MTUS2: variants seen among roughly 807,000 people sequenced by gnomAD.
MTUS2 encodes the protein microtubule associated scaffold protein 2, also known as microtubule-associated tumor suppressor candidate 2.
MTUS2 carries 40 observed loss-of-function variants against 114.1 expected under a neutral mutation model. That is an observed-to-expected ratio of 0.35 (90% CI 0.27 to 0.46). The LOEUF (loss-of-function observed/expected upper bound fraction) is 0.46, where lower values mean the gene tolerates loss of function less well. Ranked by LOEUF, MTUS2 falls within the 20% of genes least tolerant of loss-of-function variation. MTUS2 has a pLI of 1.00. For missense variants in MTUS2, 1,679 were observed against 1,705.4 expected (o/e 0.98, Z 0.27); for synonymous variants, 688 against 672.0 (o/e 1.02, Z -0.37).
chr13:29,245,790 A>G (rs1896901177), intron 5 of MTUS2, among the ~76,000 whole-genome samples: 1 of 140,936 alleles, frequency 7.1e-6, no homozygotes, highest in Non-Finnish European at 1.5e-5. Context: ...TCTGCCTCCC[A>G]GGTTCACGCC....
At position 28,833,651 on chromosome 13, in the gene MTUS2, G is replaced by C. The variant is rs951986694; in HGVS notation, c.-315-6127G>C. ...TCCTCTTAAAACAAGGAACAGGCAA[G>C]GATGTCTACTGTTTTCACATTTATT... On this transcript the variant is annotated intron_variant, in intron 1 of 15. Transcript: ENST00000612955. Among the ~76,000 whole-genome samples, 3 of 152,102 alleles carry C rather than the reference G, an allele frequency of 2.0e-5. 1 individual carries two copies. In the Middle Eastern group the frequency reaches 9.5e-3, roughly 481 times the overall value.
At chr13:28,921,224 ATTTAG>A (rs924122133) in intron 2 of MTUS2, among the ~76,000 whole-genome samples, 3 of 151,902 alleles carry the variant, frequency 2.0e-5, no homozygotes, top group Non-Finnish European at 2.9e-5. Context: ...GCTGCTGGGT[ATTTAG>A]GGCCCAAGGG....
chr13:28,989,010 C>T lies in MTUS2; in HGVS notation c.-242-35447C>T, dbSNP rs1396815763. On this transcript the variant is annotated intron_variant, in intron 2 of 15. Transcript: ENST00000612955. The stretch of plus-strand genomic sequence containing the variant: ...AATTGTTTGTAAACCAGCTTGGCTG[C>T]ACTTTGAGTCAATTGGTTTTGGACT... 3.3e-5 allele frequency among the ~76,000 whole-genome samples: 5 copies of T among 152,204 alleles called. No individual in the cohort carries two copies. In the East Asian group the frequency reaches 9.6e-4, roughly 29 times the overall value.
chr13:29,457,093 C>T (rs960701842), intron 9 of MTUS2, among the ~76,000 whole-genome samples: 2 of 149,586 alleles, frequency 1.3e-5, no homozygotes, highest in African/African-American at 2.5e-5. Flanking sequence ...TGCAGTGAGC[C>T]GAGATCGCGA....
At chr13:28,911,422 C>T (rs1032066895) in intron 2 of MTUS2, among the ~76,000 whole-genome samples, 8 of 152,090 alleles carry the variant, frequency 5.3e-5, no homozygotes, top group African/African-American at 1.9e-4. Flanking sequence ...GATCCACCCG[C>T]CTCAGCCTCC....
At chr13:29,463,017 T>C (rs1304791065) in intron 9 of MTUS2, among the ~76,000 whole-genome samples, 3 of 152,126 alleles carry the variant, frequency 2.0e-5, no homozygotes, top group Admixed American at 1.3e-4. Flanking sequence ...ACTGGAATCA[T>C]AATGCTTCTT....
At chr13:29,043,998 A>C (rs1239516273) in intron 4 of MTUS2, among the ~76,000 whole-genome samples, 1 of 152,126 alleles carries the variant, frequency 6.6e-6, no homozygotes, top group African/African-American at 2.4e-5. Flanking sequence ...TTTCTTTTAA[A>C]TAAATTTAAA....
At chr13:28,945,150 G>A (rs913340400) in intron 2 of MTUS2, among the ~76,000 whole-genome samples, 3 of 148,428 alleles carry the variant, frequency 2.0e-5, no homozygotes, top group South Asian at 2.1e-4. Context: ...GACATGATTC[G>A]TTGTTTTTTA....
chr13:29,342,992 C>G (rs1901476603), intron 7 of MTUS2, among the ~76,000 whole-genome samples: 1 of 152,114 alleles, frequency 6.6e-6, no homozygotes, highest in Non-Finnish European at 1.5e-5. Flanking sequence ...ACCATCCCTG[C>G]ATCTATAGTA....
chr13:29,492,781 C>A, intron 12 of MTUS2, 62 bp downstream of exon 12: 1 of 1,299,954 alleles, frequency 7.7e-7, no homozygotes, highest in Non-Finnish European at 1.1e-6. Context: ...TTATTCCCAC[C>A]CACAAACATT....
intron 4 of MTUS2, among the ~76,000 whole-genome samples, chr13:29,081,443 T>C (rs1889435920): frequency 6.6e-6 from 1 of 152,090 alleles, no homozygotes; most frequent in African/African-American, 2.4e-5. Context: ...TCTATGAGGC[T>C]TATAGCCTGA....
At chr13:28,841,850 C>T (rs1875520901) in intron 2 of MTUS2, among the ~76,000 whole-genome samples, 1 of 152,126 alleles carries the variant, frequency 6.6e-6, no homozygotes, top group Non-Finnish European at 1.5e-5. Context: ...CCACGCCTGG[C>T]TAGATTTTGT....
intron 7 of MTUS2, among the ~76,000 whole-genome samples, chr13:29,331,994 C>T (rs1900801310): frequency 6.6e-6 from 1 of 152,152 alleles, no homozygotes; most frequent in South Asian, 2.1e-4. Context: ...CGTTAATGTT[C>T]ATCAGGGATA....
At chr13:29,018,791 A>G (rs1346245262) in intron 2 of MTUS2, among the ~76,000 whole-genome samples, 5 of 133,056 alleles carry the variant, frequency 3.8e-5, no homozygotes, top group Non-Finnish European at 7.9e-5. Context: ...CCCCCTGCAA[A>G]AAAAAAAAAA....
At chr13:29,035,158 TG>T (rs1307586586) in intron 4 of MTUS2, among the ~76,000 whole-genome samples, 2 of 152,214 alleles carry the variant, frequency 1.3e-5, no homozygotes, top group Non-Finnish European at 2.9e-5. Flanking sequence ...AGTACACATA[TG>T]AGGGGCTGCC....
chr13:28,974,197 C>T (rs1418447881), intron 2 of MTUS2, among the ~76,000 whole-genome samples: 1 of 152,178 alleles, frequency 6.6e-6, no homozygotes, highest in Non-Finnish European at 1.5e-5. Context: ...TGCAACTCTG[C>T]TCTAGGGGAG....
chr13:28,833,233 A>G (rs1874828542), intron 1 of MTUS2, among the ~76,000 whole-genome samples: 1 of 152,146 alleles, frequency 6.6e-6, no homozygotes, highest in Non-Finnish European at 1.5e-5. Flanking sequence ...GGCCAGTAGT[A>G]CTTTGATACA....
chr13:29,485,363 C>T (rs1881530044), intron 10 of MTUS2: 1 of 152,628 alleles, frequency 6.6e-6, no homozygotes, highest in African/African-American at 2.4e-5. Context: ...AATACTATGA[C>T]AAGAAAGAGG....
intron 4 of MTUS2, among the ~76,000 whole-genome samples, chr13:29,048,729 C>T (rs191182590): frequency 1.6e-4 from 25 of 152,316 alleles, no homozygotes; most frequent in Admixed American, 1.2e-3. Flanking sequence ...CTCAGCCTTC[C>T]AAAGTTCTGG....
Sources: allele counts gnomAD v4.1 joint callset (sites outside exome capture counted in the v4.1 genomes callset), GRCh38; gene constraint gnomAD v4.1.1; transcripts MANE v1.5; gene names NCBI Gene and HGNC (gene_info 2026-07-23, HGNC 2026-07-21).